The following SRP68 variants were observed in gnomAD, a reference collection of about 807,000 sequenced individuals.
SRP68 encodes the protein signal recognition particle subunit SRP68.
SRP68 carries 15 observed loss-of-function variants against 82.2 expected under a neutral mutation model. The ratio of observed to expected loss-of-function variants is 0.18; its 90% confidence interval spans 0.12 to 0.28. The LOEUF is 0.28. Among genes scored for constraint, SRP68 ranks in the 10% least tolerant of loss-of-function variants. The probability of loss-of-function intolerance (pLI) is 1.00; values close to 1 mark genes in which losing one functional copy is unlikely to be tolerated. For missense variants in SRP68, 595 were observed against 780.5 expected, an observed-to-expected ratio of 0.76 and a Z score of 2.83; for synonymous variants, 261 against 292.6, an observed-to-expected ratio of 0.89 and a Z score of 1.10.
chr17:76,064,223 A>G, intron 3 of SRP68, 52 bp from the exon 4 acceptor site: 2 of 1,527,646 alleles, frequency 1.3e-6, no homozygotes, highest in South Asian at 2.3e-5. Context: ...ACAGACCCAG[A>G]TATTCTCTGA....
intron 3 of SRP68, among the ~76,000 whole-genome samples, chr17:76,066,209 G>A (rs1353028926): frequency 1.3e-5 from 2 of 152,054 alleles, no homozygotes; most frequent in East Asian, 3.8e-4. Flanking sequence ...CCAGCACTTT[G>A]GAAGGCAAGA....
chr17:76,072,266 A>T lies in SRP68; in HGVS notation c.184+42T>A, dbSNP rs2066858919. 6.2e-7 allele frequency: 1 copy of T among 1,603,606 alleles called. No individual in the cohort carries two copies. The highest frequency in any genetic ancestry group is 8.5e-7 in the Non-Finnish European group (1 of 1,176,820). ...CTCCCGCCCCCAGCCCTCCAGTTCG[A>T]CACGTAATCATTGCGAGTTAGGCCC... On this transcript the variant is annotated intron_variant, in intron 1 of 15. Coordinates refer to ENST00000307877, the MANE Select transcript of SRP68 (RefSeq NM_014230.4). The surrounding 1 kb of genome is among the most constrained non-coding windows in gnomAD (Gnocchi z 4.5).
Position 76,061,509 on chromosome 17 carries a change from C to T in SRP68, c.627G>A (p.Glu209=). 1 of 1,613,828 alleles carries T rather than the reference C, an allele frequency of 6.2e-7. No homozygotes were observed. Among genetic ancestry groups the T allele is most frequent in the Non-Finnish European group, 8.5e-7 (1 of 1,179,944 alleles). ...GGACTTACTTGCATTTGTTAAAAGC[C>T]TCAATGGCAGCTTTCCATTCTTGAT... ...FEHQEWKAAI[E]AFNKCKTIYE... The change falls in exon 5 of 16, where the codon GAG becomes GAA. Residue 209 remains glutamate, a synonymous_variant. Transcript: ENST00000307877.
At chr17:76,063,652 C>T (rs1313864877) in intron 4 of SRP68, among the ~76,000 whole-genome samples, 3 of 148,212 alleles carry the variant, frequency 2.0e-5, no homozygotes, top group Non-Finnish European at 3.0e-5. Flanking sequence ...CGCGCCACTG[C>T]ACTCCAGCCT....
At chr17:76,050,641 G>A (rs994452843) in intron 8 of SRP68, 115 bp from the exon 9 acceptor site, 25 of 661,700 alleles carry the variant, frequency 3.8e-5, no homozygotes, top group African/African-American at 3.2e-4. Flanking sequence ...ACTCACGCAC[G>A]CCACACCAGA....
intron 3 of SRP68, among the ~76,000 whole-genome samples, chr17:76,064,811 C>T (rs1040196367): frequency 2.9e-5 from 4 of 137,694 alleles, no homozygotes; most frequent in Non-Finnish European, 3.0e-5. Flanking sequence ...ACTATACTCT[C>T]GTTTGGGCAA....
intron 1 of SRP68, 33 bp from the exon 2 acceptor site, chr17:76,070,477 G>T: frequency 6.4e-7 from 1 of 1,571,678 alleles, no homozygotes; most frequent in Non-Finnish European, 8.8e-7. Flanking sequence ...TCTTACCATA[G>T]CAAGAATCCA....
At chr17:76,049,418 C>T (rs1310584549) in intron 9 of SRP68, 2 of 151,998 alleles carry the variant, frequency 1.3e-5, no homozygotes, top group South Asian at 2.1e-4. Context: ...GAAAGATTAC[C>T]CAAGTGTGCG....
chr17:76,068,057 C>T (rs995497769), intron 2 of SRP68, among the ~76,000 whole-genome samples: 1 of 151,960 alleles, frequency 6.6e-6, no homozygotes, highest in South Asian at 2.1e-4. Context: ...TTTGGGAGGC[C>T]GAGGTGGGCG....
chr17:76,045,508 G>A, intron 11 of SRP68, 122 bp from the exon 12 acceptor site: 1 of 686,752 alleles, frequency 1.5e-6, no homozygotes, highest in South Asian at 1.9e-5. Context: ...CAATACGATG[G>A]GGAAAAGCCT....
chr17:76,040,172 T>C (rs2066578539), intron 15 of SRP68, among the ~76,000 whole-genome samples: 1 of 152,292 alleles, frequency 6.6e-6, no homozygotes, highest in East Asian at 1.9e-4. Flanking sequence ...CTGTTGGCCA[T>C]GTTACGAGTT....
rs572989094 is a variant in SRP68 at position 76,044,077 on chromosome 17, C to T, written c.1395-119G>A. The T allele has an allele frequency of 9.8e-5, 111 of 1,133,112 alleles. No homozygotes were observed. The Middle Eastern group carries it at 1.8e-3, about 19-fold the overall frequency. 70.2% of individuals were successfully genotyped at this position (1,133,112 alleles called of 1,614,324 possible). Reference sequence around the variant, plus strand: ...AAACAGGTTTCTTAACGTGGGATCACCGCATGGGAGCCCCCTTCATGGGAA... The same window carrying T: ...AAACAGGTTTCTTAACGTGGGATCATCGCATGGGAGCCCCCTTCATGGGAA... On this transcript the variant is annotated intron_variant, in intron 12 of 15. Transcript: ENST00000307877.
In SRP68 at chr17:76,052,394, T is replaced by C. The variant is rs2066679400; in HGVS notation, c.979-1868A>G. On this transcript the variant is annotated intron_variant, in intron 8 of 15. Transcript: ENST00000307877. ...GCCATATAATACTCAGCAACTGGAATAAGATACATAAGTCTAGAGTGCTTA... is the reference window on the plus strand; with the variant it reads ...GCCATATAATACTCAGCAACTGGAACAAGATACATAAGTCTAGAGTGCTTA... Among the ~76,000 whole-genome samples the C allele has an allele frequency of 2.6e-5, 4 of 152,002 alleles. No individual in the cohort carries two copies. In the South Asian group the frequency reaches 6.2e-4, roughly 24 times the overall value.
chr17:76,039,512 G>A lies in SRP68; in HGVS notation c.*194C>T, dbSNP rs749252996. On this transcript the variant is annotated 3_prime_UTR_variant, in exon 16 of 16. Transcript: ENST00000307877. ...ATGACCCTGCACACATTTACCAGAA[G>A]ACAACAGGGTGCTCTCCTGACACGC... 8.2e-5 allele frequency: 54 copies of A among 655,736 alleles called. No homozygotes were observed. The Middle Eastern group carries it at 1.0e-3, about 12-fold the overall frequency. 40.6% of individuals were successfully genotyped at this position (655,736 alleles called of 1,614,324 possible). A position where few individuals can be genotyped will look rare whatever the true frequency, so the allele number is the denominator to read the frequency against.
rs747691330 is a variant in SRP68 at position 76,072,373 on chromosome 17, T to C, written c.119A>G (p.Glu40Gly). Reference sequence around the variant, plus strand: ...CGATCCGGCCGAAGGGCGTTCGTTTTCTTTATTTTCTTCCCCTCCGGCACC... The same window carrying C: ...CGATCCGGCCGAAGGGCGTTCGTTTCCTTTATTTTCTTCCCCTCCGGCACC... ...GRGAGGEENK[E>G]NERPSAGSKA... is the part of the protein sequence containing the mutation. The change falls in exon 1 of 16, where the codon GAA becomes GGA. Residue 40 changes from glutamate to glycine, a missense_variant. Physicochemically the swap from Glu to Gly is moderately conservative, Grantham distance 98 (BLOSUM62 -2). Coordinates refer to ENST00000307877, the MANE Select transcript of SRP68 (RefSeq NM_014230.4). This position sits in a 1 kb window ranked among gnomAD's most constrained non-coding sequence, Gnocchi z 4.5. 2 of 1,612,132 alleles carry C rather than the reference T, an allele frequency of 1.2e-6. No individual in the cohort carries two copies. The highest frequency in any genetic ancestry group is 2.7e-5 in the African/African-American group (2 of 74,824).
chr17:76,063,871 CT>C, intron 4 of SRP68, 104 bp downstream of exon 4: 3 of 1,043,816 alleles, frequency 2.9e-6, no homozygotes, highest in Non-Finnish European at 4.0e-6. Flanking sequence ...TTTTCCTCTT[CT>C]GACTGTCACT....
intron 5 of SRP68, 34 bp from the exon 6 acceptor site, chr17:76,061,253 C>G (rs962305985): frequency 6.9e-7 from 1 of 1,447,844 alleles, no homozygotes; most frequent in African/African-American, 1.4e-5. Flanking sequence ...TTTACATCAG[C>G]CTTATATAAG....
intron 1 of SRP68, 58 bp from the exon 2 acceptor site, chr17:76,070,502 T>C (rs2066842962): frequency 7.1e-7 from 1 of 1,403,636 alleles, no homozygotes; most frequent in African/African-American, 1.4e-5. Context: ...AATCAAAACC[T>C]GTACCATCAG....
chr17:76,048,694 C>T (rs1045244125), intron 9 of SRP68: 1 of 152,114 alleles, frequency 6.6e-6, no homozygotes, highest in African/African-American at 2.4e-5. Flanking sequence ...GGAACACAGC[C>T]CTGTGAACCC....
Sources: gnomAD v4.1 joint callset for allele counts (sites outside exome capture counted in the v4.1 genomes callset) on GRCh38, gnomAD v4.1.1 for gene constraint, Gnocchi (gnomAD v3.1) non-coding constraint, MANE v1.5 for transcripts, NCBI Gene and HGNC (gene_info 2026-07-23, HGNC 2026-07-21) for gene names.